Variants in COL5A2 observed in about 807,000 individuals in gnomAD.
COL5A2 encodes collagen alpha-2(V) chain.
A neutral mutation model predicts 208.2 loss-of-function variants in COL5A2; 23 were observed. The ratio of observed to expected loss-of-function variants is 0.11; its 90% CI spans 0.08 to 0.16. COL5A2 has a LOEUF of 0.16. COL5A2 is among the 10% of genes least tolerant of loss of function. The pLI, the probability that COL5A2 is intolerant of heterozygous loss-of-function variation, is 1.00. For synonymous variants in COL5A2, 625 were observed against 628.5 expected, an observed-to-expected ratio of 0.99 and a Z score of 0.08; for missense variants, 1,590 against 1,956.4, an observed-to-expected ratio of 0.81 and a Z score of 3.53.
chr2:189,108,495 A>G (rs1175660495), intron 2 of COL5A2, among the ~76,000 whole-genome samples: 1 of 151,892 alleles, frequency 6.6e-6, no homozygotes, highest in East Asian at 1.9e-4. Flanking sequence ...TTTTCCCTTG[A>G]GAAATAATCT....
chr2:189,059,043 T>C (rs1685964705), intron 31 of COL5A2, 150 bp from the exon 32 acceptor site: 1 of 648,738 alleles, frequency 1.5e-6, no homozygotes, highest in Non-Finnish European at 2.7e-6. Context: ...AGTACGTATA[T>C]TTTTATAAAT....
At chr2:189,224,044 T>G (rs1247181700) in intron 1 of COL5A2, among the ~76,000 whole-genome samples, 12 of 150,568 alleles carry the variant, frequency 8.0e-5, no homozygotes, top group Non-Finnish European at 1.5e-4. Context: ...AAATGAGAGA[T>G]AACAACAGGG....
At chr2:189,360,451 C>G in the COL5A2 span, among the ~76,000 whole-genome samples, 2 of 152,060 alleles carry the variant, frequency 1.3e-5, no homozygotes, top group Non-Finnish European at 2.9e-5. Context: ...TCATTTTTCT[C>G]TAGGAAATTT....
chr2:189,333,397 T>A, the COL5A2 span, among the ~76,000 whole-genome samples: 1 of 152,186 alleles, frequency 6.6e-6, no homozygotes, highest in Non-Finnish European at 1.5e-5. Flanking sequence ...AGCTTGTAGA[T>A]ATTAAAAGTA....
the COL5A2 span, among the ~76,000 whole-genome samples, chr2:189,284,184 A>G: frequency 6.6e-6 from 1 of 152,176 alleles, no homozygotes; most frequent in African/African-American, 2.4e-5. Flanking sequence ...TTGGAAAACA[A>G]AAGTGTTTTA....
At chr2:189,425,929 C>A in the COL5A2 span, among the ~76,000 whole-genome samples, 145 of 152,298 alleles carry the variant, frequency 9.5e-4, no homozygotes, top group Middle Eastern at 3.4e-3. Flanking sequence ...AATTATGCTT[C>A]CTGTATAGCC....
the COL5A2 span, among the ~76,000 whole-genome samples, chr2:189,349,878 T>C: frequency 6.6e-6 from 1 of 152,224 alleles, no homozygotes; most frequent in East Asian, 1.9e-4. Flanking sequence ...CAATTGCCTT[T>C]GGAAAATTAC....
chr2:189,175,219 G>A (rs954467623), intron 1 of COL5A2, among the ~76,000 whole-genome samples: 1 of 152,102 alleles, frequency 6.6e-6, no homozygotes, highest in African/African-American at 2.4e-5. Context: ...TTGAAGTTTT[G>A]TGTGACCATA....
chr2:189,430,702 C>T, the COL5A2 span, among the ~76,000 whole-genome samples: 1 of 152,104 alleles, frequency 6.6e-6, no homozygotes, highest in Non-Finnish European at 1.5e-5. Flanking sequence ...TGGGTGGAGG[C>T]CCACTGCAGC....
At chr2:189,293,838 C>A in the COL5A2 span, among the ~76,000 whole-genome samples, 1 of 152,272 alleles carries the variant, frequency 6.6e-6, no homozygotes, top group Admixed American at 6.5e-5. Context: ...GTAATCCCAG[C>A]ACTTTGGGAG....
At chr2:189,438,837 A>G in the COL5A2 span, among the ~76,000 whole-genome samples, 10 of 152,222 alleles carry the variant, frequency 6.6e-5, no homozygotes, top group Non-Finnish European at 1.5e-4. Context: ...ACTTTTTAAC[A>G]CAAAGGCTAC....
chr2:189,422,637 C>G, the COL5A2 span, among the ~76,000 whole-genome samples: 1 of 152,142 alleles, frequency 6.6e-6, no homozygotes, highest in African/African-American at 2.4e-5. Flanking sequence ...GGCTACAAAA[C>G]AAGTTTTAAA....
rs779750012 is a variant in COL5A2, at chr2:189,221,231, C to T, written c.-42+3917G>A. 4.5e-4 allele frequency among the ~76,000 whole-genome samples: 68 copies of T among 152,092 alleles called. 1 individual carries two copies. Among genetic ancestry groups the T allele is most frequent in the Non-Finnish European group, 9.0e-4 (61 of 67,998 alleles). On this transcript the variant is annotated intron_variant, in intron 1 of 10. Transcript: ENST00000649966. ...CACTCTGAGTTAGAAAAAATAATTA[C>T]GGCATAAACCAGTTTGAAGTTCAGC...
At chr2:189,212,593 C>G (rs954508805) in intron 1 of COL5A2, among the ~76,000 whole-genome samples, 1 of 150,368 alleles carries the variant, frequency 6.7e-6, no homozygotes, top group African/African-American at 2.5e-5. Context: ...GAGCCGAGAT[C>G]GTGCCACTTC....
chr2:189,140,720 T>C (rs904556850), intron 1 of COL5A2, among the ~76,000 whole-genome samples: 2 of 152,136 alleles, frequency 1.3e-5, no homozygotes, highest in Admixed American at 6.6e-5. Flanking sequence ...AGAGGCTTAA[T>C]GTATACTAAG....
At chr2:189,411,602 A>G in the COL5A2 span, among the ~76,000 whole-genome samples, 2 of 152,178 alleles carry the variant, frequency 1.3e-5, no homozygotes, top group Non-Finnish European at 2.9e-5. Flanking sequence ...TCAATATAGC[A>G]TTTTAATATT....
intron 1 of COL5A2, among the ~76,000 whole-genome samples, chr2:189,155,317 C>T (rs1688223565): frequency 6.6e-6 from 1 of 152,104 alleles, no homozygotes; most frequent in African/African-American, 2.4e-5. Flanking sequence ...CTTTACATCA[C>T]ATCTGTTTCA....
At chr2:189,088,636 C>T in intron 8 of COL5A2, 59 bp downstream of exon 8, 1 of 1,309,190 alleles carries the variant, frequency 7.6e-7, no homozygotes, top group Non-Finnish European at 1.1e-6. Context: ...TCAAGATTCT[C>T]TTTTTAAAAT....
rs114959831 is a variant in COL5A2, at chr2:189,054,253, G to A, written c.2392-41C>T. 0.02 allele frequency: 29,549 copies of A among 1,456,762 alleles called. 385 individuals carry two copies. The highest frequency in any genetic ancestry group is 0.022 in the Non-Finnish European group (23,351 of 1,038,718). The allele number at this position is 1,456,762 out of a possible 1,614,324, so 90.2% of individuals were successfully genotyped here. A position where few individuals can be genotyped will look rare whatever the true frequency, so the allele number is the denominator to read the frequency against. The stretch of plus-strand genomic sequence containing the variant: ...ACATAGGCATATTGAGGTAAAAAAT[G>A]CACAGAAATCTTCATGCTTAGCAAA... On this transcript the variant is annotated intron_variant, in intron 35 of 53. Coordinates refer to ENST00000374866, the MANE Select transcript of COL5A2 (RefSeq NM_000393.5).
Sources: gnomAD v4.1 joint callset for allele counts (sites outside exome capture counted in the v4.1 genomes callset) on GRCh38, gnomAD v4.1.1 for gene constraint, MANE v1.5 for transcripts, NCBI Gene and HGNC (gene_info 2026-07-23, HGNC 2026-07-21) for gene names.